RCSD1: variants seen among roughly 807,000 people sequenced by gnomAD.
RCSD1 encodes RCSD domain containing 1, also known as capZ-interacting protein.
Under a neutral mutation model 42.5 loss-of-function variants are expected in RCSD1, and 26 were observed. That is an observed-to-expected ratio of 0.61 (90% CI 0.45 to 0.85). The LOEUF is 0.85. Among genes scored for constraint, RCSD1 ranks in the 40% least tolerant of loss-of-function variants. The pLI, the probability that RCSD1 is intolerant of heterozygous loss-of-function variation, is 0.00. For missense variants in RCSD1, 571 were observed against 528.3 expected, an observed-to-expected ratio of 1.08 and a Z score of -0.79; for synonymous variants, 220 against 212.2, an observed-to-expected ratio of 1.04 and a Z score of -0.32.
intron 1 of RCSD1, 71 bp from the exon 2 acceptor site, chr1:167,683,829 C>T (rs1659146545): frequency 2.8e-6 from 4 of 1,410,524 alleles, no homozygotes; most frequent in East Asian, 2.3e-5. Flanking sequence ...CTTGCAGCCA[C>T]AAAACAGGTG....
chr1:167,678,963 C>T (rs950276936), intron 1 of RCSD1, among the ~76,000 whole-genome samples: 5 of 152,136 alleles, frequency 3.3e-5, no homozygotes, highest in Non-Finnish European at 7.3e-5. Context: ...AAAATAAGTG[C>T]CCTGTTTTAT....
rs1329083684 is a variant in RCSD1, at chr1:167,683,993, G to A, written c.100G>A (p.Ala34Thr). The change falls in exon 2 of 7, where the codon GCC (alanine) becomes ACC (threonine). Residue 34 changes from alanine to threonine, a missense_variant. Transcript: ENST00000367854. ...GCGGTTTAGGGAGCAGGCGGCTGCA[G>A]CCAAGGAGGTGAGTCAGGCCGCTTC... ...AGRFREQAAA[A>T]KETPASKPTR... 1.2e-6 allele frequency: 2 copies of A among 1,613,244 alleles called. No individual in the cohort carries two copies. Among genetic ancestry groups the A allele is most frequent in the African/African-American group, 2.7e-5 (2 of 74,954 alleles).
At chr1:167,695,003 C>T (rs767447239) in intron 5 of RCSD1, among the ~76,000 whole-genome samples, 5 of 152,062 alleles carry the variant, frequency 3.3e-5, no homozygotes, top group Non-Finnish European at 5.9e-5. Context: ...CCAGAGAATG[C>T]TAAATGGGTG....
rs529392201 is a variant in RCSD1, at chr1:167,692,525, T to A, written c.271-1574T>A. On this transcript the variant is annotated intron_variant, in intron 4 of 6. Coordinates refer to ENST00000367854, the MANE Select transcript of RCSD1 (RefSeq NM_052862.4). Reference sequence around the variant, plus strand: ...CCCCATATGCCGCTTTTTTTTTTATTTTTATTTTTTTTAGACAAGGTCTTG... The same window carrying A: ...CCCCATATGCCGCTTTTTTTTTTATATTTATTTTTTTTAGACAAGGTCTTG... 6.1e-3 allele frequency among the ~76,000 whole-genome samples: 924 copies of A among 151,962 alleles called. 10 individuals are homozygous for A. Among genetic ancestry groups the A allele is most frequent in the African/African-American group, 0.021 (848 of 41,360 alleles).
At chr1:167,639,078 A>C (rs564536419) in intron 1 of RCSD1, among the ~76,000 whole-genome samples, 2 of 152,098 alleles carry the variant, frequency 1.3e-5, no homozygotes, top group South Asian at 2.1e-4. Context: ...TTAGCCAGGC[A>C]TGGTGGCAGG....
Position 167,697,116 on chromosome 1 carries a change from A to T in RCSD1, c.492A>T (p.Ser164=). 6.2e-7 allele frequency: 1 copy of T among 1,612,998 alleles called. No individual in the cohort carries two copies. The highest frequency in any genetic ancestry group is 1.1e-5 in the South Asian group (1 of 90,930). The change falls in exon 6 of 7, where the codon TCA becomes TCT. Residue 164 remains serine (S), a synonymous_variant. Transcript: ENST00000367854. ...PCYNKVRTRG[S]IKRRPPSRRF... ...TCTTCTAGGTGCGGACGAGGGGCTC[A>T]ATAAAAAGGCGCCCTCCCTCCAGGC...
intron 1 of RCSD1, among the ~76,000 whole-genome samples, chr1:167,635,113 T>TA (rs1385487791): frequency 2.0e-5 from 3 of 152,214 alleles, no homozygotes; most frequent in African/African-American, 7.2e-5. Flanking sequence ...ATCCAAATCT[T>TA]AAAAAGATTA....
intron 1 of RCSD1, among the ~76,000 whole-genome samples, chr1:167,659,205 T>A (rs1385710661): frequency 1.3e-5 from 2 of 152,202 alleles, no homozygotes; most frequent in Non-Finnish European, 2.9e-5. Flanking sequence ...CGTTTTGAAT[T>A]TGCTTTTCTA....
At chr1:167,680,630 G>A (rs1045312207) in intron 1 of RCSD1, among the ~76,000 whole-genome samples, 7 of 152,084 alleles carry the variant, frequency 4.6e-5, no homozygotes, top group Admixed American at 1.3e-4. Flanking sequence ...ATAGGCACAC[G>A]CCACCACACT....
intron 1 of RCSD1, among the ~76,000 whole-genome samples, chr1:167,665,685 C>T (rs955568133): frequency 6.6e-6 from 1 of 152,178 alleles, no homozygotes; most frequent in Admixed American, 6.6e-5. Context: ...TATCTCTTTA[C>T]AGTCTTAATT....
At chr1:167,681,650 C>T (rs1021898437) in intron 1 of RCSD1, among the ~76,000 whole-genome samples, 8 of 152,302 alleles carry the variant, frequency 5.3e-5, no homozygotes, top group African/African-American at 1.9e-4. Flanking sequence ...TATCTTCCTG[C>T]TCCACCAGTG....
chr1:167,644,079 A>T (rs1034714666), intron 1 of RCSD1, among the ~76,000 whole-genome samples: 1 of 152,152 alleles, frequency 6.6e-6, no homozygotes, highest in Non-Finnish European at 1.5e-5. Flanking sequence ...TCCATACTAG[A>T]ACCTGGGAGA....
chr1:167,633,966 A>G (rs181182641), intron 1 of RCSD1, among the ~76,000 whole-genome samples: 160 of 152,364 alleles, frequency 1.1e-3, no homozygotes, highest in Non-Finnish European at 1.7e-3. Context: ...GGAAAATGGC[A>G]GTACCAACTT....
chr1:167,652,068 C>A lies in RCSD1; in HGVS notation c.6+21639C>A, dbSNP rs1314527959. ...ATAGAGTCTTGCTCTGTCACCCAGG[C>A]TGGAGTGCAGTGGCACGATCTCAGC... On this transcript the variant is annotated intron_variant, in intron 1 of 6. Coordinates refer to ENST00000367854, the MANE Select transcript of RCSD1 (RefSeq NM_052862.4). Among the ~76,000 whole-genome samples the A allele has an allele frequency of 3.5e-5, 5 of 141,236 alleles. No individual in the cohort carries two copies. In the South Asian group the frequency reaches 1.1e-3, roughly 31 times the overall value. The allele number at this position is 141,236 out of a possible 152,430, so 92.7% of individuals were successfully genotyped here.
Position 167,704,661 on chromosome 1 carries a change from C to G in RCSD1, c.1219-3C>G. The stretch of plus-strand genomic sequence containing the variant: ...AATTAATTCTTTCCTCCCCTGTTCA[C>G]AGGATGACACTCCTGTCCAGGACAC... On this transcript the variant is annotated splice_polypyrimidine_tract_variant and splice_region_variant and intron_variant, in intron 6 of 6. Transcript: ENST00000367854. 1 of 1,612,522 alleles carries G rather than the reference C, an allele frequency of 6.2e-7. No homozygotes were observed.
rs1253254565 is a variant in RCSD1, at chr1:167,708,178, T to TA, written c.*3483dup. Among the ~76,000 whole-genome samples, 1 of 152,158 alleles carries TA rather than the reference T, an allele frequency of 6.6e-6. No homozygotes were observed. The highest frequency in any genetic ancestry group is 2.4e-5 in the African/African-American group (1 of 41,434). ...GAGACTGCGTGCCCTCTCCTGGAGC[T>TA]AGGAGCTAGGTGAGTCAATCCTGCA... On this transcript the variant is annotated 3_prime_UTR_variant, in exon 7 of 7. Transcript: ENST00000367854.
intron 1 of RCSD1, among the ~76,000 whole-genome samples, chr1:167,631,348 G>GT (rs892200100): frequency 6.6e-6 from 1 of 152,234 alleles, no homozygotes; most frequent in African/African-American, 2.4e-5. Flanking sequence ...ATGTTATATA[G>GT]TTTTAAAGGT....
At chr1:167,666,168 C>T (rs1658652092) in intron 1 of RCSD1, among the ~76,000 whole-genome samples, 2 of 152,138 alleles carry the variant, frequency 1.3e-5, no homozygotes, top group Admixed American at 6.6e-5. Flanking sequence ...CTGCTGGAGG[C>T]AGTGTGGAGT....
chr1:167,637,237 A>C (rs1488069496), intron 1 of RCSD1, among the ~76,000 whole-genome samples: 1 of 152,224 alleles, frequency 6.6e-6, no homozygotes, highest in Non-Finnish European at 1.5e-5. Context: ...CACGGTGTGC[A>C]TGGGAAATAA....
Sources: gnomAD v4.1 joint callset for allele counts (sites outside exome capture counted in the v4.1 genomes callset) on GRCh38, gnomAD v4.1.1 for gene constraint, MANE v1.5 for transcripts, NCBI Gene and HGNC (gene_info 2026-07-23, HGNC 2026-07-21) for gene names.